ZFAND3: variants seen among roughly 807,000 people sequenced by gnomAD.
ZFAND3 encodes zinc finger AN1-type containing 3.
In ZFAND3, 10 loss-of-function variants were observed where a neutral mutation model predicts 29.6. That is an observed-to-expected ratio of 0.34 (90% CI 0.21 to 0.57). ZFAND3 has a LOEUF of 0.57. Ranked by LOEUF, ZFAND3 falls within the 20% of genes least tolerant of loss-of-function variation. ZFAND3 has a pLI of 0.86. For synonymous variants in ZFAND3, 128 were observed against 112.6 expected (o/e 1.14, Z -0.87); for missense variants, 230 against 304.5 (o/e 0.76, Z 1.82).
chr6:38,053,753 C>T (rs563070385), intron 2 of ZFAND3, among the ~76,000 whole-genome samples: 2 of 152,168 alleles, frequency 1.3e-5, no homozygotes, highest in East Asian at 3.9e-4. Context: ...GCTTAGACTA[C>T]AGTGGTAATG....
intron 1 of ZFAND3, among the ~76,000 whole-genome samples, chr6:37,866,121 T>C (rs13210701): frequency 0.3 from 45,496 of 151,984 alleles, 7,511 homozygotes; most frequent in Non-Finnish European, 0.38. Flanking sequence ...TGCCCCAGGC[T>C]CTGTAGTGGC....
chr6:38,006,852 A>G (rs1446997913), intron 2 of ZFAND3, among the ~76,000 whole-genome samples: 2 of 152,066 alleles, frequency 1.3e-5, no homozygotes, highest in Admixed American at 6.6e-5. Context: ...GCACAATTCC[A>G]TTAGTAAATG....
At chr6:37,910,598 G>T (rs531960426) in intron 1 of ZFAND3, among the ~76,000 whole-genome samples, 1 of 151,958 alleles carries the variant, frequency 6.6e-6, no homozygotes, top group African/African-American at 2.4e-5. Context: ...ATTTTTGGGG[G>T]GTGGGAACAT....
chr6:38,004,938 C>G (rs899017035), intron 2 of ZFAND3, among the ~76,000 whole-genome samples: 5 of 152,048 alleles, frequency 3.3e-5, no homozygotes, highest in African/African-American at 1.2e-4. Flanking sequence ...AAATGTTGAA[C>G]TAGAAAATCA....
intron 1 of ZFAND3, among the ~76,000 whole-genome samples, chr6:37,885,914 T>C (rs1764980821): frequency 6.6e-6 from 1 of 151,798 alleles, no homozygotes; most frequent in African/African-American, 2.4e-5. Context: ...GTCAGTATAC[T>C]TCTGAGCGGA....
At chr6:38,094,126 C>T (rs905042103) in intron 4 of ZFAND3, among the ~76,000 whole-genome samples, 8 of 151,860 alleles carry the variant, frequency 5.3e-5, no homozygotes, top group African/African-American at 1.5e-4. Context: ...AAAAGGTGGT[C>T]GCCGTGTTCT....
chr6:37,911,643 A>C (rs897821666), intron 1 of ZFAND3, among the ~76,000 whole-genome samples: 9 of 152,308 alleles, frequency 5.9e-5, no homozygotes, highest in Non-Finnish European at 1.3e-4. Context: ...GATTTTATAG[A>C]AATAATGCAT....
intron 1 of ZFAND3, among the ~76,000 whole-genome samples, chr6:37,867,139 C>G (rs540310799): frequency 1.3e-5 from 2 of 152,138 alleles, no homozygotes; most frequent in South Asian, 2.1e-4. Context: ...TCCTTCCTAT[C>G]TTTTTTTGTA....
At chr6:37,880,202 A>T (rs558995928) in intron 1 of ZFAND3, among the ~76,000 whole-genome samples, 1 of 152,366 alleles carries the variant, frequency 6.6e-6, no homozygotes, top group South Asian at 2.1e-4. Flanking sequence ...TTGAAGCTTC[A>T]TATTTCAAAA....
chr6:37,842,338 A>G lies in ZFAND3; in HGVS notation c.71+22322A>G, dbSNP rs559906009. Among the ~76,000 whole-genome samples the G allele has an allele frequency of 2.6e-5, 4 of 152,220 alleles. No homozygotes were observed. The South Asian group carries it at 8.3e-4, about 32-fold the overall frequency. On this transcript the variant is annotated intron_variant, in intron 1 of 5. Transcript: ENST00000287218. The stretch of plus-strand genomic sequence containing the variant: ...CTTCTGCTGTTTCTCGTACCCTATC[A>G]GGCAGCCATGGTCCTGATTTTTTTC...
chr6:38,002,400 C>T (rs1762965656), intron 2 of ZFAND3, among the ~76,000 whole-genome samples: 1 of 151,618 alleles, frequency 6.6e-6, no homozygotes, highest in Admixed American at 6.6e-5. Flanking sequence ...TATTCTAGGC[C>T]AGTTATGTTG....
intron 1 of ZFAND3, among the ~76,000 whole-genome samples, chr6:37,894,770 T>A (rs1765168080): frequency 6.6e-6 from 1 of 152,236 alleles, no homozygotes; most frequent in Admixed American, 6.5e-5. Context: ...ATATTTTTGC[T>A]GAGTATAGAA....
chr6:37,860,178 GTTT>G (rs34072361), intron 1 of ZFAND3, among the ~76,000 whole-genome samples: 5 of 122,804 alleles, frequency 4.1e-5, no homozygotes, highest in Non-Finnish European at 3.4e-5. Context: ...GCCAAAAAGA[GTTT>G]TTTTTTTTTT....
intron 4 of ZFAND3, among the ~76,000 whole-genome samples, chr6:38,112,681 T>C (rs559436172): frequency 1.8e-3 from 274 of 152,216 alleles, no homozygotes; most frequent in Non-Finnish European, 3.4e-3. Flanking sequence ...TTTTTCCTGG[T>C]AGTCTTTTTC....
At chr6:37,917,627 C>A (rs1289428650) in intron 1 of ZFAND3, among the ~76,000 whole-genome samples, 1 of 152,154 alleles carries the variant, frequency 6.6e-6, no homozygotes, top group African/African-American at 2.4e-5. Flanking sequence ...TTTTCTCTTG[C>A]AAACTCTGGT....
rs1761599188 is a variant in ZFAND3 at position 37,931,676 on chromosome 6, T to C, written c.112+1677T>C. On this transcript the variant is annotated intron_variant, in intron 2 of 5. Coordinates refer to ENST00000287218, the MANE Select transcript of ZFAND3 (RefSeq NM_021943.3). Reference sequence around the variant, plus strand: ...AGTCTGTAGTTTTTAAAGGTCCAGGTTGAGGCCTGGTCCAGAAGAGGGCTC... The same window carrying C: ...AGTCTGTAGTTTTTAAAGGTCCAGGCTGAGGCCTGGTCCAGAAGAGGGCTC... 2.0e-5 allele frequency among the ~76,000 whole-genome samples: 3 copies of C among 152,242 alleles called. No homozygotes were observed. The South Asian group carries it at 6.2e-4, about 32-fold the overall frequency.
intron 4 of ZFAND3, among the ~76,000 whole-genome samples, chr6:38,097,748 A>G (rs575950666): frequency 6.6e-6 from 1 of 152,328 alleles, no homozygotes; most frequent in African/African-American, 2.4e-5. Flanking sequence ...ATGGTACCTG[A>G]CAATCTTGAA....
intron 2 of ZFAND3, among the ~76,000 whole-genome samples, chr6:37,957,135 C>T (rs1324854242): frequency 6.6e-6 from 1 of 152,168 alleles, no homozygotes; most frequent in Non-Finnish European, 1.5e-5. Flanking sequence ...TGAAACGATT[C>T]AGTCTTTTAG....
chr6:38,080,423 A>ACACC (rs1764639429), intron 3 of ZFAND3, among the ~76,000 whole-genome samples: 1 of 152,138 alleles, frequency 6.6e-6, no homozygotes, highest in Middle Eastern at 3.2e-3. Context: ...CCAACAGTAG[A>ACACC]TAACAGTGTG....
Sources: gnomAD v4.1 joint callset for allele counts (sites outside exome capture counted in the v4.1 genomes callset) on GRCh38, gnomAD v4.1.1 for gene constraint, MANE v1.5 for transcripts, NCBI Gene and HGNC (gene_info 2026-07-23, HGNC 2026-07-21) for gene names.